The following FKBP5 variants were observed in gnomAD, a reference collection of about 807,000 sequenced individuals.
The protein encoded by FKBP5 is FKBP prolyl isomerase 5.
In FKBP5, 23 loss-of-function variants were observed where a neutral mutation model predicts 50.5. The ratio of observed to expected loss-of-function variants is 0.46; its 90% confidence interval spans 0.33 to 0.65. The LOEUF (loss-of-function observed/expected upper bound fraction) is 0.65, where lower values mean the gene tolerates loss of function less well. FKBP5 is among the 30% of genes least tolerant of loss of function. FKBP5 has a pLI of 0.02. For synonymous variants in FKBP5, 176 were observed against 190.6 expected, an observed-to-expected ratio of 0.92 and a Z score of 0.63; for missense variants, 411 against 553.1, an observed-to-expected ratio of 0.74 and a Z score of 2.58.
intron 3 of FKBP5, among the ~76,000 whole-genome samples, 154 bp downstream of exon 3, chr6:35,636,860 G>T (rs936939473): frequency 6.6e-6 from 1 of 152,132 alleles, no homozygotes; most frequent in Non-Finnish European, 1.5e-5. Context: ...CCCCTAAAAA[G>T]ATCTCAGAGA....
chr6:35,685,445 A>G (rs1276174684), intron 1 of FKBP5, among the ~76,000 whole-genome samples: 1 of 152,220 alleles, frequency 6.6e-6, no homozygotes, highest in Non-Finnish European at 1.5e-5. Context: ...ACTAAAATGT[A>G]CTGCAGAAAA....
At chr6:35,663,389 C>T (rs1765124852) in intron 1 of FKBP5, among the ~76,000 whole-genome samples, 1 of 152,152 alleles carries the variant, frequency 6.6e-6, no homozygotes, top group African/African-American at 2.4e-5. Flanking sequence ...AGTACGTGAA[C>T]ATTATTCCAA....
chr6:35,603,206 T>G (rs1006348421), intron 5 of FKBP5, among the ~76,000 whole-genome samples: 5 of 152,226 alleles, frequency 3.3e-5, no homozygotes, highest in African/African-American at 1.2e-4. Context: ...ATGCTGTTGT[T>G]AAGTGTGGAT....
At chr6:35,683,350 C>A (rs1354644541) in intron 1 of FKBP5, among the ~76,000 whole-genome samples, 1 of 151,980 alleles carries the variant, frequency 6.6e-6, no homozygotes, top group Non-Finnish European at 1.5e-5. Flanking sequence ...TGGGGTCTTA[C>A]TATGTTGCCC....
chr6:35,658,325 G>A (rs901941719), intron 1 of FKBP5, among the ~76,000 whole-genome samples: 3 of 151,424 alleles, frequency 2.0e-5, no homozygotes, highest in Admixed American at 6.6e-5. Flanking sequence ...GCAGTGAGCC[G>A]AGTTTGCGCC....
At chr6:35,605,507 T>C (rs1387211196) in intron 5 of FKBP5, among the ~76,000 whole-genome samples, 2 of 145,770 alleles carry the variant, frequency 1.4e-5, no homozygotes, top group African/African-American at 2.5e-5. Flanking sequence ...GTGATCCTCC[T>C]GCATCAGCCT....
At chr6:35,644,151 A>T (rs1764567946) in intron 1 of FKBP5, among the ~76,000 whole-genome samples, 1 of 152,234 alleles carries the variant, frequency 6.6e-6, no homozygotes, top group African/African-American at 2.4e-5. Context: ...TAGTCACCTG[A>T]CAGACATTTT....
chr6:35,628,364 C>T (rs558894172), intron 3 of FKBP5, among the ~76,000 whole-genome samples: 1 of 151,622 alleles, frequency 6.6e-6, no homozygotes, highest in Non-Finnish European at 1.5e-5. Context: ...CCATATCATA[C>T]AGAAAAAAAA....
At chr6:35,706,662 G>A (rs937184627) in intron 2 of FKBP5, among the ~76,000 whole-genome samples, 3 of 152,060 alleles carry the variant, frequency 2.0e-5, no homozygotes, top group Admixed American at 6.6e-5. Context: ...ATTTAGCAAT[G>A]TTTATCAAAT....
At chr6:35,585,721 A>G (rs762902750) in intron 8 of FKBP5, 10 of 961,166 alleles carry the variant, frequency 1.0e-5, no homozygotes, top group Non-Finnish European at 1.2e-5. Context: ...GAAATATGCA[A>G]TCCAGTACTT....
chr6:35,664,921 G>C (rs980948771), intron 1 of FKBP5: 1 of 151,990 alleles, frequency 6.6e-6, no homozygotes, highest in African/African-American at 2.4e-5. Flanking sequence ...TTCATAATCT[G>C]TATTATCTGG....
At chr6:35,689,114 T>G (rs779434247), upstream of FKBP5, among the ~76,000 whole-genome samples, 1 of 152,010 alleles carries the variant, frequency 6.6e-6, no homozygotes, top group Non-Finnish European at 1.5e-5. Context: ...CATCATTTGC[T>G]CCTCCACCTC....
intron 1 of FKBP5, among the ~76,000 whole-genome samples, chr6:35,652,414 T>C (rs201429727): frequency 2.6e-5 from 4 of 152,114 alleles, no homozygotes; most frequent in African/African-American, 9.7e-5. Context: ...GGAGAAATAT[T>C]ACTGAATTCC....
chr6:35,592,722 T>C (rs1018216449), intron 6 of FKBP5, among the ~76,000 whole-genome samples: 1 of 152,196 alleles, frequency 6.6e-6, no homozygotes, highest in African/African-American at 2.4e-5. Context: ...CTCAACCAGG[T>C]TGATTTTAAC....
intron 5 of FKBP5, among the ~76,000 whole-genome samples, chr6:35,603,010 T>C (rs1763195473): frequency 6.6e-6 from 1 of 152,230 alleles, no homozygotes; most frequent in African/African-American, 2.4e-5. Context: ...ACTTCAATTA[T>C]GACTTTGGGC....
upstream of FKBP5, among the ~76,000 whole-genome samples, chr6:35,689,189 A>C (rs1765933273): frequency 6.6e-6 from 1 of 152,184 alleles, no homozygotes; most frequent in African/African-American, 2.4e-5. Context: ...GATGGTGGAA[A>C]CTGACACCCC....
Position 35,619,201 on chromosome 6 carries a change from G to A in FKBP5, c.403C>T (p.Leu135Phe). Reference protein sequence around the residue: ...NATLFFEIELLDFKGEDLFED... With the variant: ...NATLFFEIELFDFKGEDLFED... ...AATAAATCCTCTCCTTTGAAATCAAGGAGCTCAATCTAGAAAGAAAAAAGG... is the reference window on the plus strand; with the variant it reads ...AATAAATCCTCTCCTTTGAAATCAAAGAGCTCAATCTAGAAAGAAAAAAGG... The change falls in exon 5 of 11, where the codon CTT becomes TTT. Residue 135 changes from leucine to phenylalanine, a missense_variant. Physicochemically the swap from Leu to Phe is conservative, Grantham distance 22 (BLOSUM62 0). Transcript: ENST00000357266. The A allele has an allele frequency of 6.2e-7, 1 of 1,611,248 alleles. No homozygotes were observed. Among genetic ancestry groups the A allele is most frequent in the Non-Finnish European group, 8.5e-7 (1 of 1,177,742 alleles).
intron 5 of FKBP5, among the ~76,000 whole-genome samples, chr6:35,616,314 C>CAAA (rs34779549): frequency 1.9e-4 from 11 of 57,470 alleles, no homozygotes; most frequent in African/African-American, 3.8e-4. Context: ...GACTCCATCT[C>CAAA]AAAAAAAAAA....
chr6:35,722,742 C>T (rs1330123665), intron 1 of FKBP5, among the ~76,000 whole-genome samples: 1 of 152,226 alleles, frequency 6.6e-6, no homozygotes, highest in East Asian at 1.9e-4. Context: ...GCCAATTCCT[C>T]TCTCCCTGAA....
Sources: gnomAD v4.1 joint callset for allele counts (sites outside exome capture counted in the v4.1 genomes callset) on GRCh38, gnomAD v4.1.1 for gene constraint, MANE v1.5 for transcripts, NCBI Gene and HGNC (gene_info 2026-07-23, HGNC 2026-07-21) for gene names.